SRP54: variants seen among roughly 807,000 people sequenced by gnomAD.
SRP54 encodes signal recognition particle 54.
Under a neutral mutation model 64.8 loss-of-function variants are expected in SRP54, and 10 were observed. That is an observed-to-expected ratio of 0.15 (90% CI 0.10 to 0.26). The LOEUF is 0.26. Ranked by LOEUF, SRP54 falls within the 10% of genes least tolerant of loss-of-function variation. SRP54 has a pLI of 1.00. For synonymous variants in SRP54, 193 were observed against 185.6 expected, an observed-to-expected ratio of 1.04 and a Z score of -0.32; for missense variants, 325 against 613.7, an observed-to-expected ratio of 0.53 and a Z score of 4.97.
chr14:35,023,570 G>T (rs2044570204), intron 14 of SRP54, among the ~76,000 whole-genome samples: 1 of 152,000 alleles, frequency 6.6e-6, no homozygotes, highest in African/African-American at 2.4e-5. Flanking sequence ...GATCACTTGA[G>T]GTCAGGAGTT....
intron 1 of SRP54, among the ~76,000 whole-genome samples, chr14:34,988,576 A>AT (rs1326467032): frequency 0.033 from 2,755 of 83,108 alleles, 176 homozygotes; most frequent in South Asian, 0.058. Context: ...AAAAAAAAAA[A>AT]AAATATATAT....
At chr14:35,007,917 AT>A (rs944601266) in intron 5 of SRP54, among the ~76,000 whole-genome samples, 24 of 147,212 alleles carry the variant, frequency 1.6e-4, no homozygotes, top group Admixed American at 3.4e-4. Context: ...GTTTCTTATG[AT>A]TTTTTTTTTG....
intron 10 of SRP54, among the ~76,000 whole-genome samples, chr14:35,014,290 T>TTTTTTTTTTTTTTTTTTTGTTTTTTG (rs376712278): frequency 7.9e-6 from 1 of 127,284 alleles, no homozygotes; most frequent in East Asian, 2.7e-4. Flanking sequence ...TTTTTTTTTT[T>TTTTTTTTTTTTTTTTTTTGTTTTTTG]TTTTGAGACG....
chr14:35,002,287 G>A (rs1174907322), intron 4 of SRP54, among the ~76,000 whole-genome samples: 2 of 151,968 alleles, frequency 1.3e-5, no homozygotes, highest in South Asian at 2.1e-4. Context: ...CCAGGAGTTC[G>A]GGGGTGCAGT....
rs1177965954 is a variant in SRP54, at chr14:35,013,728, AC to A, written c.786-73del. The stretch of plus-strand genomic sequence containing the variant: ...TCTAATTAGCTTTGGAGGCGGATTC[AC>A]TTCGAATTTCAGATCTGCTGGAAAT... On this transcript the variant is annotated intron_variant, in intron 9 of 15. Transcript: ENST00000216774. 13 of 1,358,662 alleles carry A rather than the reference AC, an allele frequency of 9.6e-6. No homozygotes were observed. The African/African-American group carries it at 1.8e-4, about 18-fold the overall frequency. The allele number at this position is 1,358,662 out of a possible 1,614,324, so 84.2% of individuals were successfully genotyped here. A position where few individuals can be genotyped will look rare whatever the true frequency, so the allele number is the denominator to read the frequency against.
At chr14:34,999,714 A>G in intron 3 of SRP54, 65 bp downstream of exon 3, 1 of 1,161,932 alleles carries the variant, frequency 8.6e-7, no homozygotes, top group Middle Eastern at 1.9e-4. Flanking sequence ...AAGAGGTGCT[A>G]ACTGGAAGTG....
chr14:35,026,161 CTA>C (rs2044617936), intron 14 of SRP54, among the ~76,000 whole-genome samples: 1 of 96,400 alleles, frequency 1.0e-5, no homozygotes, highest in African/African-American at 3.4e-5. Context: ...GTGTTTTTAT[CTA>C]TTCTGTTGTT....
At chr14:34,984,293 C>G (rs4981258) in intron 1 of SRP54, among the ~76,000 whole-genome samples, 25,973 of 152,058 alleles carry the variant, frequency 0.17, 2,389 homozygotes, top group East Asian at 0.31. Context: ...TGATTTTCTC[C>G]TATGTGCCAT....
At chr14:35,006,595 T>TGACA (rs2044261881) in intron 4 of SRP54, among the ~76,000 whole-genome samples, 1 of 152,078 alleles carries the variant, frequency 6.6e-6, no homozygotes, top group African/African-American at 2.4e-5. Context: ...CTGTTTTTAC[T>TGACA]TTTTAAATGT....
intron 1 of SRP54, among the ~76,000 whole-genome samples, chr14:34,985,753 A>G (rs556505793): frequency 6.6e-6 from 1 of 152,328 alleles, no homozygotes; most frequent in South Asian, 2.1e-4. Context: ...TTCAAAACAT[A>G]AATGTCTTGT....
chr14:35,013,021 GC>G (rs1032479408), intron 8 of SRP54, among the ~76,000 whole-genome samples: 1 of 143,104 alleles, frequency 7.0e-6, no homozygotes, highest in Non-Finnish European at 1.5e-5. Flanking sequence ...TCAGCTGACT[GC>G]AACCTCTGCC....
chr14:35,018,616 T>C, intron 11 of SRP54, 76 bp from the exon 12 acceptor site: 1 of 1,146,330 alleles, frequency 8.7e-7, no homozygotes, highest in East Asian at 2.4e-5. Context: ...GAATTCATGA[T>C]TAAGGAATAA....
intron 4 of SRP54, among the ~76,000 whole-genome samples, chr14:35,006,803 T>A (rs115644902): frequency 2.0e-4 from 30 of 152,336 alleles, no homozygotes; most frequent in African/African-American, 7.2e-4. Flanking sequence ...TTCTTAAATT[T>A]ATGTTCTTAA....
chr14:35,020,400 A>G (rs1170775880), intron 13 of SRP54, among the ~76,000 whole-genome samples: 2 of 152,182 alleles, frequency 1.3e-5, no homozygotes, highest in African/African-American at 4.8e-5. Flanking sequence ...TCTTCTTTTC[A>G]CAAAAGATTT....
chr14:34,986,386 G>T (rs2043896318), intron 1 of SRP54, among the ~76,000 whole-genome samples: 1 of 152,070 alleles, frequency 6.6e-6, no homozygotes, highest in Non-Finnish European at 1.5e-5. Flanking sequence ...CTCTCATGCT[G>T]GGACAATTTC....
At chr14:35,017,806 T>C (rs2044467462) in intron 11 of SRP54, among the ~76,000 whole-genome samples, 1 of 152,196 alleles carries the variant, frequency 6.6e-6, no homozygotes, top group Non-Finnish European at 1.5e-5. Flanking sequence ...GCTTGTGCCC[T>C]TTCCCGGTAA....
chr14:34,998,770 G>A (rs976001440), intron 2 of SRP54, among the ~76,000 whole-genome samples: 3 of 150,884 alleles, frequency 2.0e-5, no homozygotes, highest in African/African-American at 4.9e-5. Context: ...CCGAGATCAC[G>A]CCATTGCACT....
At chr14:35,006,926 C>T (rs1331293806) in intron 4 of SRP54, among the ~76,000 whole-genome samples, 1 of 152,186 alleles carries the variant, frequency 6.6e-6, no homozygotes, top group Non-Finnish European at 1.5e-5. Flanking sequence ...CACAGTGGCT[C>T]ACGCCTGAAA....
chr14:35,028,790 A>C (rs151240313), intron 15 of SRP54, among the ~76,000 whole-genome samples: 1 of 152,172 alleles, frequency 6.6e-6, no homozygotes, highest in African/African-American at 2.4e-5. Context: ...TTTATTGACT[A>C]TGTGACCGGT....
Sources: gnomAD v4.1 joint callset for allele counts (sites outside exome capture counted in the v4.1 genomes callset) on GRCh38, gnomAD v4.1.1 for gene constraint, MANE v1.5 for transcripts, NCBI Gene and HGNC (gene_info 2026-07-23, HGNC 2026-07-21) for gene names.